Variants in TBX20 observed in about 807,000 individuals in gnomAD.
TBX20 encodes the protein T-box transcription factor 20.
TBX20 carries 8 observed loss-of-function variants against 42.9 expected under a neutral mutation model. The observed-to-expected ratio is 0.19, with a 90% CI of 0.11 to 0.34. The LOEUF (loss-of-function observed/expected upper bound fraction) is 0.34. Ranked by LOEUF, TBX20 falls within the 10% of genes least tolerant of loss-of-function variation. TBX20 has a pLI of 1.00. For missense variants in TBX20, 411 were observed against 566.0 expected (o/e 0.73, Z 2.78); for synonymous variants, 198 against 222.8 (o/e 0.89, Z 0.99).
intron 3 of TBX20, among the ~76,000 whole-genome samples, chr7:35,247,676 T>C (rs1016987460): frequency 6.6e-6 from 1 of 152,156 alleles, no homozygotes; most frequent in Non-Finnish European, 1.5e-5. Flanking sequence ...CCCAAATCTG[T>C]ACATTTAAAT....
At chr7:35,250,317 A>T in intron 1 of TBX20, 114 bp from the exon 2 acceptor site, 1 of 1,233,010 alleles carries the variant, frequency 8.1e-7, no homozygotes, top group South Asian at 1.3e-5. Context: ...AGTTAAGCTC[A>T]GAAACTCCAG....
At chr7:35,245,726 C>G (rs1298576626) in intron 3 of TBX20, among the ~76,000 whole-genome samples, 1 of 152,182 alleles carries the variant, frequency 6.6e-6, no homozygotes, top group East Asian at 1.9e-4. Context: ...GCTAGACACA[C>G]TTCACATTAT....
At chr7:35,227,352 A>G (rs1054586125) in intron 6 of TBX20, among the ~76,000 whole-genome samples, 7 of 152,178 alleles carry the variant, frequency 4.6e-5, no homozygotes, top group African/African-American at 1.7e-4. Context: ...GTAATGTCCT[A>G]GGCCTTCATA....
At position 35,249,744 on chromosome 7, in the gene TBX20, C is replaced by G. The variant is rs1490271910; in HGVS notation, c.380+207G>C. On this transcript the variant is annotated intron_variant, in intron 2 of 7. Transcript: ENST00000408931. This position sits in a 1 kb window ranked among gnomAD's most constrained non-coding sequence, Gnocchi z 4.3. ...CCTTCTCAACAAAGCCAGGGTGGGG[C>G]TTCCCATGACCAAATCCTGAGAACG... 6.6e-6 allele frequency among the ~76,000 whole-genome samples: 1 copy of G among 152,190 alleles called. No homozygotes were observed. The highest frequency in any genetic ancestry group is 2.1e-4 in the South Asian group (1 of 4,826).
intron 6 of TBX20, among the ~76,000 whole-genome samples, chr7:35,217,027 CTT>C (rs1338202782): frequency 6.6e-6 from 1 of 151,916 alleles, no homozygotes; most frequent in Admixed American, 6.6e-5. Flanking sequence ...TAAATGAAAA[CTT>C]TAGATAATAC....
intron 6 of TBX20, among the ~76,000 whole-genome samples, chr7:35,228,704 T>G (rs1438211887): frequency 3.2e-4 from 49 of 152,210 alleles, no homozygotes; most frequent in East Asian, 1.9e-4. Context: ...AATGACTGTC[T>G]AAAGCTTGTT....
Position 35,253,722 on chromosome 7 carries a change from G to A in TBX20, c.-102C>T, listed in dbSNP as rs1003813777. ...CCGAAACACAGCTCAAAGTTTCCGA[G>A]AGCAGTCACAGCGGGGCCAGGGACT... is the stretch of plus-strand genomic sequence containing the variant. On this transcript the variant is annotated 5_prime_UTR_variant, in exon 1 of 8. Coordinates refer to ENST00000408931, the MANE Select transcript of TBX20 (RefSeq NM_001077653.2). 5 of 1,498,430 alleles carry A rather than the reference G, an allele frequency of 3.3e-6. No homozygotes were observed. The highest frequency in any genetic ancestry group is 4.5e-5 in the East Asian group (2 of 43,966). 92.8% of individuals were successfully genotyped at this position (1,498,430 alleles called of 1,614,324 possible).
At position 35,250,033 on chromosome 7, in the gene TBX20, T is replaced by G. The variant is rs757103622; in HGVS notation, c.298A>C (p.Ile100Leu). 9 of 1,613,822 alleles carry G rather than the reference T, an allele frequency of 5.6e-6. No individual in the cohort carries two copies. Among genetic ancestry groups the G allele is most frequent in the South Asian group, 1.1e-5 (1 of 91,068 alleles). ...TCCTTGGTCTCCAGGCTGCAGGCAA[T>G]TTTGGCCATTTCCTCACTGGGGATG... ...PIIPSEEMAK[I>L]ACSLETKELW... is the part of the protein sequence containing the mutation. Residue 100 changes from isoleucine to leucine, a missense_variant, in exon 2 of 8, where the codon ATT becomes CTT. Ile to Leu is a conservative substitution (Grantham distance 5). Around this residue, in one of 5 missense-constraint regions of TBX20, gnomAD observed 114 missense variants for 128.0 expected, o/e 0.89. Coordinates refer to ENST00000408931, the MANE Select transcript of TBX20 (RefSeq NM_001077653.2).
chr7:35,232,001 T>A (rs1789875456), intron 5 of TBX20, among the ~76,000 whole-genome samples: 5 of 152,208 alleles, frequency 3.3e-5, no homozygotes, highest in Admixed American at 3.3e-4. Context: ...TCTGACTTGG[T>A]GACATCTTTT....
chr7:35,248,278 T>C (rs1189272728), intron 3 of TBX20, among the ~76,000 whole-genome samples: 1 of 152,208 alleles, frequency 6.6e-6, no homozygotes, highest in Non-Finnish European at 1.5e-5. Context: ...TTTACTAAAA[T>C]ACACTCTTCT....
chr7:35,220,484 A>G (rs1444936776), intron 6 of TBX20, among the ~76,000 whole-genome samples: 2 of 152,230 alleles, frequency 1.3e-5, no homozygotes, highest in South Asian at 2.1e-4. Flanking sequence ...AGCCACATCA[A>G]TGCCAGGTCA....
chr7:35,202,518 G>A lies in TBX20; in HGVS notation c.1256C>T (p.Pro419Leu), dbSNP rs949178814. The change falls in exon 8 of 8, where the codon CCG becomes CTG. Residue 419 changes from proline to leucine, a missense_variant. Coordinates refer to ENST00000408931, the MANE Select transcript of TBX20 (RefSeq NM_001077653.2). ...CTGCTGAAAATAGTGATGGTATCGC[G>A]GCATGTGGAATGAAGGGAATGTGGG... ...SGPTFPSFHM[P>L]RYHHYFQQGP... 17 of 1,612,042 alleles carry A rather than the reference G, an allele frequency of 1.1e-5. No individual in the cohort carries two copies. The highest frequency in any genetic ancestry group is 1.7e-5 in the Admixed American group (1 of 59,822).
chr7:35,240,630 G>T (rs1173635838), intron 5 of TBX20, among the ~76,000 whole-genome samples: 5 of 152,160 alleles, frequency 3.3e-5, no homozygotes, highest in African/African-American at 4.8e-5. Flanking sequence ...TGAGAAGGCA[G>T]ATTGGGGTAG....
intron 6 of TBX20, among the ~76,000 whole-genome samples, chr7:35,215,431 T>G (rs1252523213): frequency 1.3e-5 from 2 of 152,186 alleles, no homozygotes; most frequent in African/African-American, 4.8e-5. Context: ...CTGTTTAGCC[T>G]GGAAGCCCAC....
rs572720349 is a variant in TBX20 at position 35,207,140 on chromosome 7, T to C, written c.891-2558A>G. On this transcript the variant is annotated intron_variant, in intron 6 of 7. Transcript: ENST00000408931. ...ATTTAGCATTCCCACCATCAGTGTA[T>C]GAGAACTCCAGGTCCTCTATACTCT... Among the ~76,000 whole-genome samples, 5 of 152,370 alleles carry C rather than the reference T, an allele frequency of 3.3e-5. No individual in the cohort carries two copies. In the South Asian group the frequency reaches 1.0e-3, roughly 32 times the overall value.
intron 6 of TBX20, among the ~76,000 whole-genome samples, chr7:35,207,534 G>A (rs1789420398): frequency 6.6e-6 from 1 of 152,008 alleles, no homozygotes; most frequent in South Asian, 2.1e-4. Flanking sequence ...TCACGCTTTT[G>A]GTGCCATATT....
chr7:35,244,075 C>T (rs1790134382), intron 4 of TBX20, among the ~76,000 whole-genome samples: 2 of 151,804 alleles, frequency 1.3e-5, no homozygotes, highest in Admixed American at 6.6e-5. Flanking sequence ...TCACATGTAC[C>T]CCATAAATAT....
intron 6 of TBX20, among the ~76,000 whole-genome samples, chr7:35,210,622 G>A (rs936000704): frequency 3.9e-5 from 6 of 152,022 alleles, no homozygotes; most frequent in African/African-American, 1.4e-4. Flanking sequence ...TATTACCCTT[G>A]AAGAATGGAG....
intron 5 of TBX20, among the ~76,000 whole-genome samples, chr7:35,233,831 C>A (rs566630960): frequency 6.6e-6 from 1 of 152,158 alleles, no homozygotes. Context: ...AATTCATCAG[C>A]AAATAATGAG....
Sources: gnomAD v4.1 joint callset for allele counts (sites outside exome capture counted in the v4.1 genomes callset) on GRCh38, gnomAD v4.1.1 for gene constraint, gnomAD v4.1.1 regional missense constraint, Gnocchi (gnomAD v3.1) non-coding constraint, MANE v1.5 for transcripts, NCBI Gene and HGNC (gene_info 2026-07-23, HGNC 2026-07-21) for gene names.